Variants in NUP93 observed in about 807,000 individuals in gnomAD.
NUP93 encodes the protein nuclear pore complex protein Nup93.
In NUP93, 55 loss-of-function variants were observed where a neutral mutation model predicts 107.8. The ratio of observed to expected loss-of-function variants is 0.51; its 90% CI spans 0.41 to 0.64. NUP93 has a LOEUF of 0.64. Among genes scored for constraint, NUP93 ranks in the 30% least tolerant of loss-of-function variants. The pLI is 0.00. For synonymous variants in NUP93, 390 were observed against 397.5 expected, an observed-to-expected ratio of 0.98 and a Z score of 0.22; for missense variants, 937 against 1,044.7, an observed-to-expected ratio of 0.90 and a Z score of 1.42.
At chr16:56,814,825 C>T (rs1463684644) in intron 5 of NUP93, among the ~76,000 whole-genome samples, 8 of 152,314 alleles carry the variant, frequency 5.3e-5, no homozygotes, top group Middle Eastern at 3.4e-3. Flanking sequence ...CTTGTCCTGT[C>T]GTCCTTGCTA....
intron 3 of NUP93, among the ~76,000 whole-genome samples, chr16:56,768,927 G>C (rs1962270601): frequency 6.6e-6 from 1 of 151,730 alleles, no homozygotes; most frequent in African/African-American, 2.4e-5. Flanking sequence ...GCAAAGCCAA[G>C]GTTTATTGAG....
intron 3 of NUP93, among the ~76,000 whole-genome samples, chr16:56,777,005 TGA>T (rs558587761): frequency 6.6e-6 from 1 of 152,144 alleles, no homozygotes; most frequent in Non-Finnish European, 1.5e-5. Context: ...TAATAGATGC[TGA>T]GAGAGAGAGT....
chr16:56,747,498 C>T (rs147655040), intron 1 of NUP93, among the ~76,000 whole-genome samples: 1 of 151,684 alleles, frequency 6.6e-6, no homozygotes, highest in East Asian at 1.9e-4. Flanking sequence ...GATCTGTGCT[C>T]TCATTAACCT....
chr16:56,833,480 C>A, intron 13 of NUP93, 74 bp downstream of exon 13: 1 of 1,227,208 alleles, frequency 8.1e-7, no homozygotes, highest in East Asian at 2.8e-5. Flanking sequence ...GGCCACAAAA[C>A]CACAACCAAT....
chr16:56,769,094 C>G (rs1268895630), intron 3 of NUP93, among the ~76,000 whole-genome samples: 2 of 152,128 alleles, frequency 1.3e-5, no homozygotes, highest in Non-Finnish European at 2.9e-5. Context: ...GAGCTCCAGT[C>G]TGTTGATTTG....
intron 3 of NUP93, among the ~76,000 whole-genome samples, chr16:56,796,086 A>T (rs1283375367): frequency 1.3e-5 from 2 of 152,176 alleles, no homozygotes; most frequent in African/African-American, 4.8e-5. Context: ...TGGGAAATCT[A>T]TAATTAGTAA....
intron 20 of NUP93, among the ~76,000 whole-genome samples, chr16:56,840,355 G>A (rs529390612): frequency 2.6e-5 from 4 of 152,266 alleles, no homozygotes; most frequent in Non-Finnish European, 4.4e-5. Context: ...TGCAGTGACC[G>A]CGGAGTAAGC....
chr16:56,833,943 CTG>C (rs1445649659), intron 13 of NUP93, among the ~76,000 whole-genome samples, 183 bp from the exon 14 acceptor site: 4 of 152,164 alleles, frequency 2.6e-5, no homozygotes, highest in Admixed American at 2.6e-4. Context: ...TTTCTCCACT[CTG>C]GGCCTGGGGA....
chr16:56,843,824 T>C (rs1436094751), intron 21 of NUP93, among the ~76,000 whole-genome samples: 1 of 152,268 alleles, frequency 6.6e-6, no homozygotes, highest in Non-Finnish European at 1.5e-5. Flanking sequence ...AAATTCTTGT[T>C]ACTAGTCCAG....
At chr16:56,792,573 G>T (rs1452503859) in intron 3 of NUP93, among the ~76,000 whole-genome samples, 1 of 152,170 alleles carries the variant, frequency 6.6e-6, no homozygotes, top group East Asian at 1.9e-4. Context: ...CTCTATTAAG[G>T]ATATACTTCA....
chr16:56,835,028 T>G (rs551416093), intron 16 of NUP93, among the ~76,000 whole-genome samples: 17 of 152,350 alleles, frequency 1.1e-4, no homozygotes, highest in Non-Finnish European at 2.1e-4. Flanking sequence ...TATTCATTTG[T>G]TCATGCCTGT....
At chr16:56,794,474 T>C (rs1287600321) in intron 3 of NUP93, among the ~76,000 whole-genome samples, 1 of 152,190 alleles carries the variant, frequency 6.6e-6, no homozygotes, top group African/African-American at 2.4e-5. Context: ...CATTCTTACT[T>C]GAAATTTCAT....
chr16:56,832,181 T>C (rs1425953431), intron 11 of NUP93, 114 bp from the exon 12 acceptor site: 1 of 1,246,670 alleles, frequency 8.0e-7, no homozygotes, highest in African/African-American at 1.5e-5. Flanking sequence ...ACCATAGCCT[T>C]AAACACAGCT....
intron 5 of NUP93, among the ~76,000 whole-genome samples, chr16:56,808,869 G>T (rs1408022932): frequency 2.7e-5 from 4 of 148,774 alleles, no homozygotes; most frequent in African/African-American, 9.8e-5. Context: ...CAGTGTGGTT[G>T]TATCATTCAG....
chr16:56,786,267 A>G (rs1962625522), intron 3 of NUP93, among the ~76,000 whole-genome samples: 1 of 152,180 alleles, frequency 6.6e-6, no homozygotes, highest in South Asian at 2.1e-4. Flanking sequence ...TGCTGGCCTT[A>G]GGGTTTAGTG....
At chr16:56,841,158 C>T (rs752109397) in intron 20 of NUP93, among the ~76,000 whole-genome samples, 16 of 152,292 alleles carry the variant, frequency 1.1e-4, no homozygotes, top group Middle Eastern at 3.4e-3. Flanking sequence ...GCCACTTGCT[C>T]CTTTGTTATT....
chr16:56,792,754 TAA>T (rs770061460), intron 3 of NUP93, among the ~76,000 whole-genome samples: 38 of 152,366 alleles, frequency 2.5e-4, no homozygotes, highest in Admixed American at 5.2e-4. Flanking sequence ...TTATTGTTTG[TAA>T]AGAGTAGCCT....
intron 10 of NUP93, among the ~76,000 whole-genome samples, chr16:56,831,273 G>A (rs184735394): frequency 1.0e-3 from 157 of 152,340 alleles, no homozygotes; most frequent in African/African-American, 3.6e-3. Context: ...GTATGTAGAA[G>A]AAATGATGGC....
chr16:56,756,707 G>T (rs1962030433), intron 2 of NUP93, among the ~76,000 whole-genome samples: 1 of 152,102 alleles, frequency 6.6e-6, no homozygotes, highest in Admixed American at 6.5e-5. Flanking sequence ...AGATCCCTGA[G>T]GAATTGCTAC....
Sources: allele counts gnomAD v4.1 joint callset (sites outside exome capture counted in the v4.1 genomes callset), GRCh38; gene constraint gnomAD v4.1.1; transcripts MANE v1.5; gene names NCBI Gene and HGNC (gene_info 2026-07-23, HGNC 2026-07-21).